Variants in DEPDC5 observed in about 807,000 individuals in gnomAD.
DEPDC5 encodes GATOR1 complex protein DEPDC5.
A neutral mutation model predicts 217.3 loss-of-function variants in DEPDC5; 73 were observed. That is an observed-to-expected ratio of 0.34 (90% confidence interval 0.28 to 0.41). DEPDC5 has a LOEUF of 0.41. DEPDC5 is among the 10% of genes least tolerant of loss of function. The pLI, the probability that DEPDC5 is intolerant of heterozygous loss-of-function variation, is 1.00. For synonymous variants in DEPDC5, 733 were observed against 756.7 expected (o/e 0.97, Z 0.51); for missense variants, 1,675 against 2,070.1 (o/e 0.81, Z 3.70).
chr22:31,777,348 C>G (rs921818559), intron 7 of DEPDC5, among the ~76,000 whole-genome samples: 2 of 151,940 alleles, frequency 1.3e-5, no homozygotes, highest in African/African-American at 4.8e-5. Flanking sequence ...GCAACTTCCA[C>G]CTCCTGGGTT....
chr22:31,812,010 A>G (rs549897781), intron 20 of DEPDC5, among the ~76,000 whole-genome samples: 3 of 148,848 alleles, frequency 2.0e-5, no homozygotes, highest in African/African-American at 7.4e-5. Context: ...TTTTTTCGAG[A>G]TGGCGTCTTG....
intron 34 of DEPDC5, among the ~76,000 whole-genome samples, chr22:31,871,367 C>G (rs750360965): frequency 6.6e-6 from 1 of 152,194 alleles, no homozygotes; most frequent in African/African-American, 2.4e-5. Flanking sequence ...CTTTTATACC[C>G]CTGCCCTGAG....
intron 22 of DEPDC5, 71 bp downstream of exon 22, chr22:31,819,296 A>G (rs1158339477): frequency 6.5e-7 from 1 of 1,549,872 alleles, no homozygotes; most frequent in Non-Finnish European, 8.8e-7. Context: ...TCGGTCACCC[A>G]TGTGTCCTTG....
intron 41 of DEPDC5, among the ~76,000 whole-genome samples, chr22:31,902,493 C>T (rs1037468400): frequency 1.4e-4 from 21 of 150,128 alleles, no homozygotes; most frequent in African/African-American, 4.9e-4. Context: ...CACGATGGCC[C>T]CAGCTTACCT....
chr22:31,898,886 T>C (rs1194937066), intron 40 of DEPDC5, among the ~76,000 whole-genome samples: 2 of 152,222 alleles, frequency 1.3e-5, no homozygotes, highest in African/African-American at 2.4e-5. Flanking sequence ...ATGTTCTTGT[T>C]TAACCTCACA....
chr22:31,755,663 A>G (rs1250744429), intron 2 of DEPDC5, among the ~76,000 whole-genome samples: 2 of 150,216 alleles, frequency 1.3e-5, no homozygotes, highest in Admixed American at 6.6e-5. Context: ...CTCAACCTCA[A>G]CCTCCCTAAT....
At chr22:31,898,609 C>A (rs570421577) in intron 40 of DEPDC5, among the ~76,000 whole-genome samples, 1 of 152,264 alleles carries the variant, frequency 6.6e-6, no homozygotes, top group South Asian at 2.1e-4. Flanking sequence ...AGAACCAGCC[C>A]AAAAGATAAG....
intron 28 of DEPDC5, among the ~76,000 whole-genome samples, chr22:31,843,443 A>G (rs1160243469): frequency 6.6e-6 from 1 of 152,224 alleles, no homozygotes; most frequent in Non-Finnish European, 1.5e-5. Flanking sequence ...CCTATTTCAA[A>G]TAAAGATTGT....
chr22:31,833,897 G>A lies in DEPDC5; in HGVS notation c.2105-18G>A, dbSNP rs370396455. 27 of 1,532,254 alleles carry A rather than the reference G, an allele frequency of 1.8e-5. No individual in the cohort carries two copies. Among genetic ancestry groups the A allele is most frequent in the African/African-American group, 8.3e-5 (6 of 72,530 alleles). 94.9% of individuals were successfully genotyped at this position (1,532,254 alleles called of 1,614,324 possible). A position where few individuals can be genotyped will look rare whatever the true frequency, so the allele number is the denominator to read the frequency against. On this transcript the variant is annotated intron_variant, in intron 24 of 42. Transcript: ENST00000651528. The stretch of plus-strand genomic sequence containing the variant: ...AGAGTGAGCCTTCTTAAGACAAGCT[G>A]TTTTTATCTTTCCATAGGTATGAAT...
At chr22:31,883,217 C>CT (rs1431826029) in intron 38 of DEPDC5, among the ~76,000 whole-genome samples, 5 of 152,134 alleles carry the variant, frequency 3.3e-5, no homozygotes, top group Admixed American at 3.3e-4. Flanking sequence ...AACCGCTGTC[C>CT]TAGGGGGAAC....
At chr22:31,843,864 G>T (rs1176343840) in intron 29 of DEPDC5, 52 bp downstream of exon 29, 1 of 1,512,666 alleles carries the variant, frequency 6.6e-7, no homozygotes, top group African/African-American at 1.4e-5. Flanking sequence ...GCAAGGATGT[G>T]TATGTGTATT....
intron 7 of DEPDC5, among the ~76,000 whole-genome samples, chr22:31,773,293 T>C (rs1389670301): frequency 1.3e-5 from 2 of 152,142 alleles, no homozygotes; most frequent in Non-Finnish European, 2.9e-5. Flanking sequence ...GCCCAAGCAA[T>C]ACTCCCACCT....
At position 31,906,092 on chromosome 22, in the gene DEPDC5, C is replaced by T. The variant is rs2093753229; in HGVS notation, c.4519+26C>T. The T allele has an allele frequency of 6.2e-7, 1 of 1,613,740 alleles. No homozygotes were observed. Among genetic ancestry groups the T allele is most frequent in the Non-Finnish European group, 8.5e-7 (1 of 1,179,716 alleles). On this transcript the variant is annotated intron_variant, in intron 42 of 42. Coordinates refer to ENST00000651528, the MANE Select transcript of DEPDC5 (RefSeq NM_001242896.3). This position sits in a 1 kb window ranked among gnomAD's most constrained non-coding sequence, Gnocchi z 5.1. ...GTGAGGAGCTACGGGCAGAGTTGGG[C>T]AGGTGGGTCCACATCCCTTTCCTTG...
At chr22:31,875,880 C>G (rs561018182) in intron 36 of DEPDC5, 7 of 281,948 alleles carry the variant, frequency 2.5e-5, no homozygotes, top group Admixed American at 1.4e-4. Flanking sequence ...TGATCCACCC[C>G]CCTCAGCCTC....
intron 33 of DEPDC5, among the ~76,000 whole-genome samples, chr22:31,864,643 G>A (rs1486727161): frequency 1.3e-5 from 2 of 151,568 alleles, no homozygotes; most frequent in Non-Finnish European, 1.5e-5. Flanking sequence ...AGTCATGCGT[G>A]GTGGCTCAAG....
intron 4 of DEPDC5, among the ~76,000 whole-genome samples, chr22:31,764,096 A>C (rs1449595677): frequency 1.3e-5 from 2 of 151,662 alleles, no homozygotes; most frequent in Middle Eastern, 3.4e-3. Flanking sequence ...CACCTGGCTA[A>C]ATTTTTTTTG....
Position 31,797,681 on chromosome 22 carries a change from GT to G in DEPDC5, c.851del (p.Leu284TrpfsTer52). On this transcript the variant is annotated frameshift_variant, in exon 13 of 43. Coordinates refer to ENST00000651528, the MANE Select transcript of DEPDC5 (RefSeq NM_001242896.3). LOFTEE classifies it high-confidence loss of function. ...AAAAACTCTTCATCCAGTATCCAGT[GT>G]TGGTGCGACTGGAACAGGCAGGTAC... The part of the protein sequence containing the change: ...IKKLFIQYPV[L>X]VRLEQAEGFP... 1 of 1,613,900 alleles carries G rather than the reference GT, an allele frequency of 6.2e-7. No individual in the cohort carries two copies. Among genetic ancestry groups the G allele is most frequent in the Non-Finnish European group, 8.5e-7 (1 of 1,179,788 alleles).
intron 7 of DEPDC5, among the ~76,000 whole-genome samples, chr22:31,771,762 C>G (rs1162021056): frequency 7.3e-6 from 1 of 137,380 alleles, no homozygotes; most frequent in African/African-American, 2.6e-5. Context: ...CACACACACA[C>G]ACACACACAC....
At chr22:31,835,446 CA>C (rs1322410405) in intron 25 of DEPDC5, among the ~76,000 whole-genome samples, 1 of 152,312 alleles carries the variant, frequency 6.6e-6, no homozygotes, top group East Asian at 1.9e-4. Context: ...CTTAAACTTA[CA>C]ATCAGGATCC....
Sources: allele counts gnomAD v4.1 joint callset (sites outside exome capture counted in the v4.1 genomes callset), GRCh38; gene constraint gnomAD v4.1.1; non-coding constraint Gnocchi (gnomAD v3.1); transcripts MANE v1.5; gene names NCBI Gene and HGNC (gene_info 2026-07-23, HGNC 2026-07-21).